Variants in GRM7 observed in about 807,000 individuals in gnomAD.
The protein encoded by GRM7 is glutamate metabotropic receptor 7, also known as metabotropic glutamate receptor 7.
A neutral mutation model predicts 84.5 loss-of-function variants in GRM7; 35 were observed. That is an observed-to-expected ratio of 0.41 (90% CI 0.32 to 0.55). GRM7 has a LOEUF of 0.55. Ranked by LOEUF, GRM7 falls within the 20% of genes least tolerant of loss-of-function variation. The probability of loss-of-function intolerance (pLI) is 0.19; values close to 1 mark genes in which losing one functional copy is unlikely to be tolerated. For missense variants in GRM7, 1,003 were observed against 1,194.6 expected, an observed-to-expected ratio of 0.84 and a Z score of 2.36; for synonymous variants, 487 against 455.1, an observed-to-expected ratio of 1.07 and a Z score of -0.89.
At position 7,111,173 on chromosome 3, in the gene GRM7, G is replaced by A. The variant is rs199814296; in HGVS notation, c.520-35279G>A. Among the ~76,000 whole-genome samples, 3 of 152,146 alleles carry A rather than the reference G, an allele frequency of 2.0e-5. No homozygotes were observed. The South Asian group carries it at 6.2e-4, about 32-fold the overall frequency. ...GGTTGATCATAGCCCCTCACGGAAG[G>A]TGCTGGTATGTCCATACTCAGGTGC... On this transcript the variant is annotated intron_variant, in intron 1 of 9. Transcript: ENST00000357716.
At chr3:7,169,966 C>G (rs1694929104) in intron 2 of GRM7, among the ~76,000 whole-genome samples, 1 of 152,118 alleles carries the variant, frequency 6.6e-6, no homozygotes, top group South Asian at 2.1e-4. Flanking sequence ...TCAGAATCAC[C>G]TAAAGAACTT....
chr3:6,934,215 G>A (rs1697606645), intron 1 of GRM7, among the ~76,000 whole-genome samples: 1 of 152,070 alleles, frequency 6.6e-6, no homozygotes, highest in East Asian at 1.9e-4. Flanking sequence ...TGGTATTTAG[G>A]TACTCAGAAA....
intron 1 of GRM7, among the ~76,000 whole-genome samples, chr3:7,019,428 C>G (rs975365939): frequency 1.2e-4 from 19 of 152,148 alleles, no homozygotes; most frequent in Admixed American, 4.6e-4. Flanking sequence ...CTATAAAAAT[C>G]CCCCATGCTC....
At chr3:7,433,692 T>C (rs937699032) in intron 5 of GRM7, among the ~76,000 whole-genome samples, 4 of 152,234 alleles carry the variant, frequency 2.6e-5, no homozygotes, top group African/African-American at 9.6e-5. Flanking sequence ...TCCAGGACTA[T>C]TCTTGATAAA....
chr3:7,439,254 C>G lies in GRM7; in HGVS notation c.1175-13353C>G, dbSNP rs1697186903. Among the ~76,000 whole-genome samples the G allele has an allele frequency of 2.6e-5, 4 of 152,084 alleles. No homozygotes were observed. In the South Asian group the frequency reaches 8.3e-4, roughly 31 times the overall value. On this transcript the variant is annotated intron_variant, in intron 5 of 9. Transcript: ENST00000357716. ...CCAAGGGCATTTGTATAGAAAAAAT[C>G]TTTGGAAGCTGGAGATAGTGTTTCT...
intron 4 of GRM7, among the ~76,000 whole-genome samples, chr3:7,379,724 A>G (rs1394217171): frequency 2.0e-5 from 3 of 152,194 alleles, no homozygotes; most frequent in African/African-American, 4.8e-5. Flanking sequence ...ATATAAAACC[A>G]ACCACTTTTG....
intron 7 of GRM7, among the ~76,000 whole-genome samples, chr3:7,516,025 G>C (rs1700363370): frequency 6.6e-6 from 1 of 151,786 alleles, no homozygotes; most frequent in South Asian, 2.1e-4. Context: ...AAATTAAGTT[G>C]ACATGGTGGT....
chr3:7,262,770 T>C (rs1298100399), intron 2 of GRM7, among the ~76,000 whole-genome samples: 1 of 152,204 alleles, frequency 6.6e-6, no homozygotes, highest in African/African-American at 2.4e-5. Flanking sequence ...CAGTCTTGGC[T>C]CACTGCAACC....
intron 2 of GRM7, among the ~76,000 whole-genome samples, chr3:7,216,618 C>G (rs902780783): frequency 1.1e-4 from 16 of 152,160 alleles, no homozygotes; most frequent in Non-Finnish European, 7.3e-5. Context: ...ATGTAGGTTA[C>G]TAGTACTGCC....
intron 5 of GRM7, among the ~76,000 whole-genome samples, chr3:7,416,432 GTC>G (rs1174298684): frequency 3.3e-5 from 5 of 152,098 alleles, no homozygotes; most frequent in African/African-American, 1.2e-4. Context: ...TCTGCCTCTA[GTC>G]TCTCTTTGTA....
chr3:7,461,743 T>C, intron 7 of GRM7, 21 bp downstream of exon 7: 1 of 1,609,740 alleles, frequency 6.2e-7, no homozygotes, highest in Non-Finnish European at 8.5e-7. Context: ...CTTGCTTCTC[T>C]TCTTCCCTTG....
intron 2 of GRM7, among the ~76,000 whole-genome samples, chr3:7,269,156 C>A (rs529906460): frequency 6.6e-6 from 1 of 152,196 alleles, no homozygotes; most frequent in African/African-American, 2.4e-5. Flanking sequence ...GCTTTTCCAT[C>A]GAAGCACTGT....
At position 7,200,707 on chromosome 3, in the gene GRM7, G is replaced by A. The variant is rs796799350; in HGVS notation, c.736+54039G>A. Among the ~76,000 whole-genome samples, 5 of 152,220 alleles carry A rather than the reference G, an allele frequency of 3.3e-5. 1 individual carries two copies. Among genetic ancestry groups the A allele is most frequent in the East Asian group, 1.9e-4 (1 of 5,162 alleles). On this transcript the variant is annotated intron_variant, in intron 2 of 9. Transcript: ENST00000357716. ...CAATAAGTTCCCCAGTGATAATGAC[G>A]CTACTAGTTCAGAGGCCACACTTTG... is the stretch of plus-strand genomic sequence containing the variant.
intron 1 of GRM7, among the ~76,000 whole-genome samples, chr3:6,926,233 C>T (rs1238201335): frequency 6.6e-6 from 1 of 152,162 alleles, no homozygotes; most frequent in Non-Finnish European, 1.5e-5. Flanking sequence ...AAGACAAGCC[C>T]TTTCAGATTC....
chr3:7,067,222 A>G lies in GRM7; in HGVS notation c.520-79230A>G, dbSNP rs191932461. On this transcript the variant is annotated intron_variant, in intron 1 of 9. Coordinates refer to ENST00000357716, the MANE Select transcript of GRM7 (RefSeq NM_000844.4). ...AGGGTATCCAAATTGGTAAAGGGGA[A>G]GTCAAACTGTCACTGTTTGCTGATG... is the stretch of plus-strand genomic sequence containing the variant. Among the ~76,000 whole-genome samples the G allele has an allele frequency of 1.1e-3, 174 of 152,098 alleles. 1 individual carries two copies. Among genetic ancestry groups the G allele is most frequent in the African/African-American group, 4.1e-3 (170 of 41,536 alleles).
At chr3:7,513,007 T>A (rs1700264302) in intron 7 of GRM7, among the ~76,000 whole-genome samples, 2 of 152,206 alleles carry the variant, frequency 1.3e-5, no homozygotes, top group African/African-American at 4.8e-5. Flanking sequence ...TGTTTACAGT[T>A]ACAGATGGCT....
intron 9 of GRM7, among the ~76,000 whole-genome samples, chr3:7,710,589 T>C (rs1447556881): frequency 6.6e-6 from 1 of 152,130 alleles, no homozygotes; most frequent in Non-Finnish European, 1.5e-5. Flanking sequence ...TACAGCCTGA[T>C]TGTCTGTCTC....
chr3:7,650,322 C>G (rs1322341723), intron 8 of GRM7, among the ~76,000 whole-genome samples: 1 of 152,204 alleles, frequency 6.6e-6, no homozygotes, highest in Non-Finnish European at 1.5e-5. Flanking sequence ...CCTTTCTGAT[C>G]TGAACCCGGG....
chr3:7,253,289 A>G (rs944969797), intron 2 of GRM7, among the ~76,000 whole-genome samples: 1 of 152,186 alleles, frequency 6.6e-6, no homozygotes, highest in Admixed American at 6.5e-5. Flanking sequence ...ATTCCAATGT[A>G]TGCATTTAAC....
Sources: gnomAD v4.1 joint callset for allele counts (sites outside exome capture counted in the v4.1 genomes callset) on GRCh38, gnomAD v4.1.1 for gene constraint, MANE v1.5 for transcripts, NCBI Gene and HGNC (gene_info 2026-07-23, HGNC 2026-07-21) for gene names.